ADAMTS20: variants seen among roughly 807,000 people sequenced by gnomAD.
ADAMTS20 encodes ADAM metallopeptidase with thrombospondin type 1 motif 20.
In ADAMTS20, 225 loss-of-function variants were observed where a neutral mutation model predicts 260.1. The ratio of observed to expected loss-of-function variants is 0.87; its 90% CI spans 0.78 to 0.97. The LOEUF is 0.97. ADAMTS20 is among the 50% of genes least tolerant of loss of function. The pLI, the probability that ADAMTS20 is intolerant of heterozygous loss-of-function variation, is 0.00. For synonymous variants in ADAMTS20, 802 were observed against 769.5 expected, an observed-to-expected ratio of 1.04 and a Z score of -0.70; for missense variants, 2,400 against 2,337.7, an observed-to-expected ratio of 1.03 and a Z score of -0.55.
chr12:43,391,519 G>C (rs1194192757), intron 29 of ADAMTS20, among the ~76,000 whole-genome samples: 2 of 152,122 alleles, frequency 1.3e-5, no homozygotes, highest in Non-Finnish European at 2.9e-5. Context: ...TTAACTACAA[G>C]AGCTGTGATG....
intron 29 of ADAMTS20, among the ~76,000 whole-genome samples, chr12:43,388,520 G>A (rs904764405): frequency 2.6e-5 from 4 of 152,246 alleles, no homozygotes; most frequent in Admixed American, 1.3e-4. Flanking sequence ...ATGGATAGGA[G>A]TTTTGGAAAA....
chr12:43,508,037 G>A (rs1309338143), intron 3 of ADAMTS20, among the ~76,000 whole-genome samples: 3 of 152,066 alleles, frequency 2.0e-5, no homozygotes, highest in Non-Finnish European at 2.9e-5. Flanking sequence ...TAATTATTGG[G>A]TACTGGGCTT....
intron 4 of ADAMTS20, among the ~76,000 whole-genome samples, chr12:43,500,071 C>T (rs1942735509): frequency 6.6e-6 from 1 of 151,238 alleles, no homozygotes; most frequent in Non-Finnish European, 1.5e-5. Context: ...GTCTGTCGGC[C>T]AGACTGGAGT....
chr12:43,404,994 T>C (rs1940884515), intron 28 of ADAMTS20, among the ~76,000 whole-genome samples: 1 of 151,890 alleles, frequency 6.6e-6, no homozygotes. Context: ...AAGCACAGAT[T>C]GTTTAGTTAT....
chr12:43,452,405 T>G lies in ADAMTS20; in HGVS notation c.1948A>C (p.Thr650Pro), dbSNP rs1267684831. The G allele has an allele frequency of 1.2e-6, 2 of 1,608,852 alleles. No individual in the cohort carries two copies. Among genetic ancestry groups the G allele is most frequent in the African/African-American group, 2.7e-5 (2 of 74,516 alleles). The change falls in exon 14 of 39, where the codon ACA (threonine) becomes CCA (proline). Residue 650 changes from threonine (T) to proline (P), a missense_variant. Coordinates refer to ENST00000389420, the MANE Select transcript of ADAMTS20 (RefSeq NM_025003.5). ...RWLPRYSGIG[T>P]KDRCKLYCQV... is the part of the protein sequence containing the mutation. Reference sequence around the variant, plus strand: ...CAATAGAGTTTACAACGATCCTTTGTGCCAACTGTAAAAAAGAAAAAGGTC... The same window carrying G: ...CAATAGAGTTTACAACGATCCTTTGGGCCAACTGTAAAAAAGAAAAAGGTC...
intron 32 of ADAMTS20, among the ~76,000 whole-genome samples, chr12:43,376,889 T>A (rs1450069238): frequency 6.6e-6 from 1 of 152,222 alleles, no homozygotes; most frequent in Non-Finnish European, 1.5e-5. Flanking sequence ...ATTCATTTTG[T>A]GCAGTTAGCA....
intron 7 of ADAMTS20, among the ~76,000 whole-genome samples, chr12:43,481,800 T>C (rs1350886765): frequency 6.6e-6 from 1 of 152,052 alleles, no homozygotes; most frequent in African/African-American, 2.4e-5. Context: ...AAAGACAAAA[T>C]AGCGTGTGGA....
At chr12:43,449,697 T>C (rs182447788) in intron 14 of ADAMTS20, among the ~76,000 whole-genome samples, 1 of 152,292 alleles carries the variant, frequency 6.6e-6, no homozygotes, top group Admixed American at 6.5e-5. Context: ...TACAAAGTTC[T>C]TTTCACAAAT....
At chr12:43,388,721 G>A (rs1358199714) in intron 29 of ADAMTS20, among the ~76,000 whole-genome samples, 1 of 152,318 alleles carries the variant, frequency 6.6e-6, no homozygotes, top group South Asian at 2.1e-4. Context: ...TGCCTGAGGT[G>A]CTGCCTATAG....
At chr12:43,484,515 T>A (rs375979100) in intron 7 of ADAMTS20, among the ~76,000 whole-genome samples, 1 of 152,062 alleles carries the variant, frequency 6.6e-6, no homozygotes. Flanking sequence ...AAAGACACAT[T>A]TACGAAACTA....
intron 28 of ADAMTS20, among the ~76,000 whole-genome samples, chr12:43,413,122 T>G (rs956764122): frequency 3.9e-5 from 6 of 152,140 alleles, no homozygotes; most frequent in Non-Finnish European, 7.4e-5. Context: ...AATAATTTTT[T>G]TATTAGTGTA....
At chr12:43,465,409 CATG>C (rs1003020164) in intron 9 of ADAMTS20, among the ~76,000 whole-genome samples, 23 of 152,090 alleles carry the variant, frequency 1.5e-4, no homozygotes, top group African/African-American at 5.3e-4. Context: ...TATCAGAATA[CATG>C]ATATGTTTGA....
intron 28 of ADAMTS20, among the ~76,000 whole-genome samples, chr12:43,411,333 G>A (rs1941026977): frequency 6.6e-6 from 1 of 151,384 alleles, no homozygotes; most frequent in Non-Finnish European, 1.5e-5. Flanking sequence ...TGATAAAATT[G>A]GTTTTCAAAA....
At chr12:43,361,456 C>A (rs980340060) in intron 37 of ADAMTS20, among the ~76,000 whole-genome samples, 2 of 152,340 alleles carry the variant, frequency 1.3e-5, no homozygotes, top group South Asian at 2.1e-4. Context: ...GGAAATGGAG[C>A]TTTGCGTTTC....
intron 28 of ADAMTS20, among the ~76,000 whole-genome samples, chr12:43,418,602 C>T (rs906147253): frequency 3.3e-5 from 5 of 152,208 alleles, no homozygotes; most frequent in Non-Finnish European, 5.9e-5. Flanking sequence ...AGCCACTGCA[C>T]CCAGGCTCGC....
chr12:43,396,450 C>T (rs894304480), intron 29 of ADAMTS20, among the ~76,000 whole-genome samples: 1 of 152,084 alleles, frequency 6.6e-6, no homozygotes, highest in Non-Finnish European at 1.5e-5. Context: ...CTGTTTAATA[C>T]ATTATTATAT....
Position 43,532,066 on chromosome 12 carries a change from G to A in ADAMTS20, c.583C>T (p.Leu195=). Residue 195 remains leucine (L), a synonymous_variant, in exon 3 of 39, where the codon CTG becomes TTG. Coordinates refer to ENST00000389420, the MANE Select transcript of ADAMTS20 (RefSeq NM_025003.5). Reference sequence around the variant, plus strand: ...ACACTGCAATACTTCAGAGTCTGCAGAAAAGAGTTATTTAAGTCTTGTCTG... The same window carrying A: ...ACACTGCAATACTTCAGAGTCTGCAAAAAAGAGTTATTTAAGTCTTGTCTG... The part of the protein sequence containing the change: ...IYRQDLNNSF[L]QTLKYCSVSE... 6.2e-7 allele frequency: 1 copy of A among 1,605,572 alleles called. No homozygotes were observed. Among genetic ancestry groups the A allele is most frequent in the Non-Finnish European group, 8.5e-7 (1 of 1,175,610 alleles).
At chr12:43,397,977 G>A (rs1274185571) in intron 29 of ADAMTS20, among the ~76,000 whole-genome samples, 1 of 152,144 alleles carries the variant, frequency 6.6e-6, no homozygotes, top group Non-Finnish European at 1.5e-5. Context: ...CGCAAAGAGA[G>A]AATGATGATG....
intron 29 of ADAMTS20, among the ~76,000 whole-genome samples, chr12:43,395,677 C>CTTT (rs5797860): frequency 8.4e-4 from 76 of 90,782 alleles, no homozygotes; most frequent in African/African-American, 9.7e-4. Context: ...GTGTGAGATT[C>CTTT]TTTTTTTTTT....
Sources: allele counts gnomAD v4.1 joint callset (sites outside exome capture counted in the v4.1 genomes callset), GRCh38; gene constraint gnomAD v4.1.1; transcripts MANE v1.5; gene names NCBI Gene and HGNC (gene_info 2026-07-23, HGNC 2026-07-21).